The following CSTF3 variants were observed in gnomAD, a reference collection of about 807,000 sequenced individuals.
CSTF3 encodes cleavage stimulation factor subunit 3.
A neutral mutation model predicts 105.8 loss-of-function variants in CSTF3; 29 were observed. The observed-to-expected ratio is 0.27, with a 90% CI of 0.20 to 0.37. CSTF3 has a LOEUF of 0.37. CSTF3 is among the 10% of genes least tolerant of loss of function. The pLI, the probability that CSTF3 is intolerant of heterozygous loss-of-function variation, is 1.00. For missense variants in CSTF3, 357 were observed against 879.3 expected, an observed-to-expected ratio of 0.41 and a Z score of 7.51; for synonymous variants, 252 against 281.9, an observed-to-expected ratio of 0.89 and a Z score of 1.06.
At chr11:33,138,574 T>C (rs2133797035) in intron 3 of CSTF3, among the ~76,000 whole-genome samples, 1 of 151,946 alleles carries the variant, frequency 6.6e-6, no homozygotes, top group African/African-American at 2.4e-5. Flanking sequence ...GATATCCTTA[T>C]CCGATTAAAT....
intron 1 of CSTF3, among the ~76,000 whole-genome samples, chr11:33,151,781 CA>C (rs1225948406): frequency 3.3e-5 from 5 of 152,102 alleles, no homozygotes; most frequent in African/African-American, 1.2e-4. Flanking sequence ...GAAAAACTAC[CA>C]GACTTTAAAG....
At chr11:33,118,692 T>A (rs1337457200) in intron 3 of CSTF3, among the ~76,000 whole-genome samples, 2 of 151,600 alleles carry the variant, frequency 1.3e-5, no homozygotes. Flanking sequence ...TACAATCATT[T>A]GAGACGCTCC....
At chr11:33,136,544 A>G (rs1855655182) in intron 3 of CSTF3, among the ~76,000 whole-genome samples, 1 of 151,970 alleles carries the variant, frequency 6.6e-6, no homozygotes, top group Non-Finnish European at 1.5e-5. Flanking sequence ...GAAAATACAA[A>G]CAATCCATTA....
intron 3 of CSTF3, among the ~76,000 whole-genome samples, chr11:33,137,109 G>C (rs750319247): frequency 6.6e-6 from 1 of 151,712 alleles, no homozygotes; most frequent in Non-Finnish European, 1.5e-5. Flanking sequence ...AGTTTAAAAC[G>C]TAAGAGTCTT....
In CSTF3 at chr11:33,136,598, T is replaced by C. The variant is rs190090500; in HGVS notation, c.225+5069A>G. 3.3e-5 allele frequency among the ~76,000 whole-genome samples: 5 copies of C among 152,092 alleles called. 1 individual carries two copies. In the East Asian group the frequency reaches 9.6e-4, roughly 29 times the overall value. On this transcript the variant is annotated intron_variant, in intron 3 of 20. Coordinates refer to ENST00000323959, the MANE Select transcript of CSTF3 (RefSeq NM_001326.3). ...GACTTAAACTGGTCCTTTTGTTTTA[T>C]AAAGGAAAGTCAATTGCCACCTGAT...
intron 1 of CSTF3, among the ~76,000 whole-genome samples, chr11:33,145,595 T>C: frequency 6.6e-6 from 1 of 151,426 alleles, no homozygotes; most frequent in African/African-American, 2.4e-5. Context: ...GGCAGCTCAC[T>C]AGGTCAGGAG....
rs1450619919 is a variant in CSTF3 at position 33,085,303 on chromosome 11, A to G, written c.1952-14T>C. 11 of 1,521,946 alleles carry G rather than the reference A, an allele frequency of 7.2e-6. No homozygotes were observed. Among genetic ancestry groups the G allele is most frequent in the Non-Finnish European group, 9.7e-6 (11 of 1,137,596 alleles). 94.3% of individuals were successfully genotyped at this position (1,521,946 alleles called of 1,614,324 possible). A position where few individuals can be genotyped will look rare whatever the true frequency, so the allele number is the denominator to read the frequency against. On this transcript the variant is annotated splice_polypyrimidine_tract_variant and intron_variant, in intron 20 of 20. Coordinates refer to ENST00000323959, the MANE Select transcript of CSTF3 (RefSeq NM_001326.3). ...CTTCCTCAACAGCTATTAAAACAAA[A>G]CAACAAAACGTAAAAACATATTCCA...
At chr11:33,159,130 G>T (rs1849903581) in intron 1 of CSTF3, among the ~76,000 whole-genome samples, 1 of 152,080 alleles carries the variant, frequency 6.6e-6, no homozygotes, top group Non-Finnish European at 1.5e-5. Flanking sequence ...TGAAATACTT[G>T]GGGCTGCAAT....
intron 3 of CSTF3, among the ~76,000 whole-genome samples, chr11:33,113,847 G>A (rs1855405101): frequency 6.6e-6 from 1 of 151,954 alleles, no homozygotes; most frequent in South Asian, 2.1e-4. Flanking sequence ...CTTGAGCCCA[G>A]GAGTTTGAGA....
chr11:33,107,409 T>C (rs919553147), intron 5 of CSTF3, among the ~76,000 whole-genome samples: 2 of 152,152 alleles, frequency 1.3e-5, no homozygotes, highest in Non-Finnish European at 2.9e-5. Context: ...GTTAGTTACA[T>C]AGAAAAATGG....
chr11:33,092,251 A>G lies in CSTF3; in HGVS notation c.1445+20T>C. ...AAGCTGTCTTTAGAACCTGATCAAC[A>G]ACTTTTCACAATGGCTTACCCAGAC... On this transcript the variant is annotated intron_variant, in intron 16 of 20. Transcript: ENST00000323959. 6.4e-7 allele frequency: 1 copy of G among 1,565,210 alleles called. No homozygotes were observed. The highest frequency in any genetic ancestry group is 8.6e-7 in the Non-Finnish European group (1 of 1,158,366).
At chr11:33,149,049 C>T (rs1855823586) in intron 1 of CSTF3, among the ~76,000 whole-genome samples, 1 of 151,858 alleles carries the variant, frequency 6.6e-6, no homozygotes, top group Admixed American at 6.6e-5. Flanking sequence ...CTTTAGGGGC[C>T]AATTCACTAC....
At chr11:33,125,105 C>T (rs957522498) in intron 3 of CSTF3, among the ~76,000 whole-genome samples, 1 of 152,146 alleles carries the variant, frequency 6.6e-6, no homozygotes, top group Admixed American at 6.6e-5. Context: ...GCTTCCGCCC[C>T]ATGTAGTTCC....
chr11:33,136,379 T>C (rs1210813325), intron 3 of CSTF3, among the ~76,000 whole-genome samples: 1 of 152,038 alleles, frequency 6.6e-6, no homozygotes, highest in Non-Finnish European at 1.5e-5. Flanking sequence ...TTGAAAGTAA[T>C]AAGTTACAAC....
chr11:33,123,493 G>C (rs1445587035), intron 3 of CSTF3, among the ~76,000 whole-genome samples: 1 of 152,042 alleles, frequency 6.6e-6, no homozygotes, highest in African/African-American at 2.4e-5. Context: ...CTTTGATCCA[G>C]CAATTCCATT....
At chr11:33,104,821 A>C (rs1388068423) in intron 8 of CSTF3, among the ~76,000 whole-genome samples, 1 of 152,202 alleles carries the variant, frequency 6.6e-6, no homozygotes, top group African/African-American at 2.4e-5. Flanking sequence ...AAATCCAAAA[A>C]CCATAAAGTT....
intron 3 of CSTF3, among the ~76,000 whole-genome samples, chr11:33,111,489 T>A (rs1855378657): frequency 6.6e-6 from 1 of 151,942 alleles, no homozygotes. Flanking sequence ...TAAAAATAAA[T>A]CCTATATATG....
intron 1 of CSTF3, among the ~76,000 whole-genome samples, chr11:33,154,898 C>T (rs1849840317): frequency 6.6e-6 from 1 of 152,092 alleles, no homozygotes; most frequent in Admixed American, 6.6e-5. Context: ...GATATTAGGA[C>T]CAGATGTCAG....
At chr11:33,150,058 A>C (rs374980401) in intron 1 of CSTF3, among the ~76,000 whole-genome samples, 2 of 110,730 alleles carry the variant, frequency 1.8e-5, no homozygotes, top group Non-Finnish European at 4.3e-5. Flanking sequence ...ACAACAACAA[A>C]ACAAAAATTA....
Sources: gnomAD v4.1 joint callset for allele counts (sites outside exome capture counted in the v4.1 genomes callset) on GRCh38, gnomAD v4.1.1 for gene constraint, MANE v1.5 for transcripts, NCBI Gene and HGNC (gene_info 2026-07-23, HGNC 2026-07-21) for gene names.